HCN1: variants seen among roughly 807,000 people sequenced by gnomAD.
HCN1 encodes the protein hyperpolarization activated cyclic nucleotide gated potassium channel 1.
Under a neutral mutation model 78.9 loss-of-function variants are expected in HCN1, and 13 were observed. That is an observed-to-expected ratio of 0.16 (90% CI 0.11 to 0.26). HCN1 has a LOEUF of 0.26. HCN1 is among the 10% of genes least tolerant of loss of function. HCN1 has a pLI of 1.00. For missense variants in HCN1, 810 were observed against 1,154.3 expected (o/e 0.70, Z 4.32); for synonymous variants, 552 against 455.5 (o/e 1.21, Z -2.70).
At chr5:45,632,509 A>AG (rs1203828306) in intron 2 of HCN1, among the ~76,000 whole-genome samples, 1 of 152,108 alleles carries the variant, frequency 6.6e-6, no homozygotes, top group Non-Finnish European at 1.5e-5. Flanking sequence ...CTTGGAACAC[A>AG]GAGACAGGAA....
chr5:45,288,014 T>C (rs557602161), intron 6 of HCN1, among the ~76,000 whole-genome samples: 3 of 152,174 alleles, frequency 2.0e-5, no homozygotes, highest in African/African-American at 7.2e-5. Context: ...ATTAACATTA[T>C]TCCAGTTTTA....
intron 6 of HCN1, among the ~76,000 whole-genome samples, chr5:45,271,808 T>G (rs1464784294): frequency 6.6e-6 from 1 of 152,238 alleles, no homozygotes; most frequent in East Asian, 1.9e-4. Flanking sequence ...ACGGAGCAAC[T>G]AAGGGCTAAA....
rs892529021 is a variant in HCN1, at chr5:45,523,961, C to A, written c.850-61954G>T. ...ATGCCTATGTCCTGAATGGTATTGC[C>A]TAGGTTTTCTTCTAGGGTTTTTATG... On this transcript the variant is annotated intron_variant, in intron 2 of 7. Coordinates refer to ENST00000303230, the MANE Select transcript of HCN1 (RefSeq NM_021072.4). Among the ~76,000 whole-genome samples the A allele has an allele frequency of 6.4e-4, 97 of 152,194 alleles. 1 individual carries two copies. Among genetic ancestry groups the A allele is most frequent in the African/African-American group, 4.1e-4 (17 of 41,516 alleles).
chr5:45,683,867 C>T (rs1223971925), intron 1 of HCN1, among the ~76,000 whole-genome samples: 3 of 151,900 alleles, frequency 2.0e-5, no homozygotes, highest in African/African-American at 4.8e-5. Context: ...GACGGGGTCT[C>T]GCCATGTTGC....
intron 6 of HCN1, among the ~76,000 whole-genome samples, chr5:45,300,808 T>G (rs1486118070): frequency 6.6e-6 from 1 of 152,112 alleles, no homozygotes; most frequent in Non-Finnish European, 1.5e-5. Flanking sequence ...ATTAATTCTC[T>G]GCACTTTCTA....
At chr5:45,546,103 A>G (rs1219931333) in intron 2 of HCN1, among the ~76,000 whole-genome samples, 10 of 151,948 alleles carry the variant, frequency 6.6e-5, no homozygotes, top group African/African-American at 1.9e-4. Flanking sequence ...TAATTATTTG[A>G]TAGACATTTT....
At chr5:45,481,929 G>T (rs980605471) in intron 2 of HCN1, among the ~76,000 whole-genome samples, 4 of 151,452 alleles carry the variant, frequency 2.6e-5, no homozygotes, top group Non-Finnish European at 5.9e-5. Context: ...TATTTCAGAG[G>T]GTTGTATTGA....
intron 2 of HCN1, among the ~76,000 whole-genome samples, chr5:45,535,461 G>C (rs1742946377): frequency 6.6e-6 from 1 of 152,084 alleles, no homozygotes; most frequent in Non-Finnish European, 1.5e-5. Context: ...AGCTGGGTGT[G>C]GTGGTGGGTA....
chr5:45,438,598 A>C (rs928987680), intron 3 of HCN1, among the ~76,000 whole-genome samples: 1 of 151,894 alleles, frequency 6.6e-6, no homozygotes, highest in East Asian at 1.9e-4. Flanking sequence ...TCAAAAAAAA[A>C]AAAACAAAAC....
rs1412234834 is a variant in HCN1 at position 45,256,346 on chromosome 5, C to A, written c.*5575G>T. Reference sequence around the variant, plus strand: ...CAAGATCCTGCCATTGCACTCCCACCTGGGTGACAGAGCCAGACTCCATCT... The same window carrying A: ...CAAGATCCTGCCATTGCACTCCCACATGGGTGACAGAGCCAGACTCCATCT... On this transcript the variant is annotated 3_prime_UTR_variant, in exon 8 of 8. Coordinates refer to ENST00000303230, the MANE Select transcript of HCN1 (RefSeq NM_021072.4). The A allele has an allele frequency of 6.7e-6, 1 of 149,738 alleles. No homozygotes were observed. Among genetic ancestry groups the A allele is most frequent in the Non-Finnish European group, 1.5e-5 (1 of 67,866 alleles). 9.3% of individuals were successfully genotyped at this position (149,738 alleles called of 1,614,324 possible). A position where few individuals can be genotyped will look rare whatever the true frequency, so the allele number is the denominator to read the frequency against.
intron 2 of HCN1, among the ~76,000 whole-genome samples, chr5:45,631,264 T>C (rs1745265230): frequency 6.6e-6 from 1 of 152,198 alleles, no homozygotes; most frequent in African/African-American, 2.4e-5. Context: ...AGGACTGTTC[T>C]TCTTGACTTT....
intron 7 of HCN1, 88 bp from the exon 8 acceptor site, chr5:45,262,898 A>G: frequency 1.4e-6 from 2 of 1,413,346 alleles, no homozygotes; most frequent in East Asian, 2.3e-5. Flanking sequence ...AAACAGAAGT[A>G]TAGCTGTGCT....
chr5:45,303,797 G>T lies in HCN1; in HGVS notation c.1420C>A (p.Pro474Thr). 1 of 1,613,452 alleles carries T rather than the reference G, an allele frequency of 6.2e-7. No individual in the cohort carries two copies. Among genetic ancestry groups the T allele is most frequent in the Non-Finnish European group, 8.5e-7 (1 of 1,179,588 alleles). The change falls in exon 6 of 8, where the codon CCT (proline) becomes ACT (threonine). Residue 474 changes from proline (P) to threonine (T), a missense_variant. By Grantham distance (38) the Pro-to-Thr change is conservative. Transcript: ENST00000303230. ...TTAGGATCCGCATTAGCAAATAAAGGCATTGTAGCCACCAGTTTCCGACAG... is the reference window on the plus strand; with the variant it reads ...TTAGGATCCGCATTAGCAAATAAAGTCATTGTAGCCACCAGTTTCCGACAG... ...FNCRKLVATM[P>T]LFANADPNFV...
intron 2 of HCN1, among the ~76,000 whole-genome samples, chr5:45,533,766 G>C (rs1038574211): frequency 6.6e-6 from 1 of 152,140 alleles, no homozygotes; most frequent in Non-Finnish European, 1.5e-5. Context: ...GGCTGAGCTG[G>C]AGTTCAGTTT....
intron 4 of HCN1, 145 bp from the exon 5 acceptor site, chr5:45,353,391 C>T: frequency 1.6e-6 from 1 of 643,124 alleles, no homozygotes; most frequent in Admixed American, 2.7e-5. Context: ...AACTAATTTA[C>T]CTGGGTCTAA....
intron 1 of HCN1, among the ~76,000 whole-genome samples, chr5:45,681,905 T>C (rs1051493092): frequency 4.6e-5 from 7 of 152,144 alleles, no homozygotes; most frequent in Non-Finnish European, 8.8e-5. Context: ...ATACAATAGA[T>C]AGAATGTTTA....
intron 2 of HCN1, among the ~76,000 whole-genome samples, chr5:45,593,209 C>T (rs1032173889): frequency 3.5e-5 from 3 of 86,172 alleles, no homozygotes; most frequent in East Asian, 6.7e-4. Context: ...CATGCACGCA[C>T]GCGCACACAC....
chr5:45,450,232 A>G (rs750502787), intron 3 of HCN1, among the ~76,000 whole-genome samples: 11 of 152,220 alleles, frequency 7.2e-5, no homozygotes, highest in African/African-American at 1.2e-4. Context: ...TAACTTATCA[A>G]CTGATTAAAG....
intron 2 of HCN1, among the ~76,000 whole-genome samples, chr5:45,601,885 C>T (rs1744632092): frequency 6.6e-6 from 1 of 152,184 alleles, no homozygotes; most frequent in East Asian, 1.9e-4. Context: ...TATCCCCACC[C>T]AAATCTCATC....
Sources: gnomAD v4.1 joint callset for allele counts (sites outside exome capture counted in the v4.1 genomes callset) on GRCh38, gnomAD v4.1.1 for gene constraint, MANE v1.5 for transcripts, NCBI Gene and HGNC (gene_info 2026-07-23, HGNC 2026-07-21) for gene names.